Variants in INF2 observed in about 807,000 individuals in gnomAD.
INF2 encodes the protein inverted formin-2.
In INF2, 43 loss-of-function variants were observed where a neutral mutation model predicts 123.5. That is an observed-to-expected ratio of 0.35 (90% CI 0.27 to 0.45). The LOEUF (loss-of-function observed/expected upper bound fraction) is 0.45, where lower values mean the gene tolerates loss of function less well. INF2 is among the 20% of genes least tolerant of loss of function. The pLI is 1.00. For synonymous variants in INF2, 851 were observed against 745.0 expected (o/e 1.14, Z -2.32); for missense variants, 1,453 against 1,682.7 (o/e 0.86, Z 2.39).
chr14:104,704,376 G>A (rs183823616), intron 5 of INF2: 21 of 264,140 alleles, frequency 8.0e-5, no homozygotes, highest in Admixed American at 2.0e-4. Flanking sequence ...TACAGTGTTC[G>A]TCGCTACTTG....
At chr14:104,693,387 C>T (rs1027901403) in intron 1 of INF2, among the ~76,000 whole-genome samples, 1 of 152,216 alleles carries the variant, frequency 6.6e-6, no homozygotes, top group Non-Finnish European at 1.5e-5. Context: ...GGCCAGAACT[C>T]AACCAGGAGC....
At position 104,699,818 on chromosome 14, in the gene INF2, TG is replaced by T. The variant is rs1375103891; in HGVS notation, c.-9-1536del. On this transcript the variant is annotated intron_variant, in intron 1 of 22. Coordinates refer to ENST00000392634, the MANE Select transcript of INF2 (RefSeq NM_022489.4). The surrounding 1 kb of genome is among the most constrained non-coding windows in gnomAD (Gnocchi z 4.7). ...CTGAGGCCCAGGCAGGATGAGTGAC[TG>T]GGCCAAGGTCTGCTGGTGAGGGCCC... Among the ~76,000 whole-genome samples, 4 of 152,078 alleles carry T rather than the reference TG, an allele frequency of 2.6e-5. No individual in the cohort carries two copies. Among genetic ancestry groups the T allele is most frequent in the Non-Finnish European group, 5.9e-5 (4 of 67,988 alleles).
rs755777315 is a variant in INF2 at position 104,703,967 on chromosome 14, C to T, written c.701+18C>T. The T allele has an allele frequency of 2.0e-5, 32 of 1,608,588 alleles. No individual in the cohort carries two copies. Among genetic ancestry groups the T allele is most frequent in the East Asian group, 6.7e-5 (3 of 44,858 alleles). ...CGCCTGCGGTGAGTCCCCACTGTAG[C>T]GGTCCTGCCGGCTCCCCCTCCTGCT... On this transcript the variant is annotated intron_variant, in intron 5 of 22. Coordinates refer to ENST00000392634, the MANE Select transcript of INF2 (RefSeq NM_022489.4).
chr14:104,711,125 T>C lies in INF2; in HGVS notation c.2357T>C (p.Leu786Pro). ...GACGGCTTCAAGATCAGCACATTGC[T>C]GAAGCTCACGGAGACCAAGTCCCAG... ...DADGFKISTL[L>P]KLTETKSQQN... The change falls in exon 15 of 23, where the codon CTG (leucine) becomes CCG (proline). Residue 786 changes from leucine (L) to proline (P), a missense_variant. Coordinates refer to ENST00000392634, the MANE Select transcript of INF2 (RefSeq NM_022489.4). 6.3e-7 allele frequency: 1 copy of C among 1,582,214 alleles called. No individual in the cohort carries two copies. Among genetic ancestry groups the C allele is most frequent in the East Asian group, 2.4e-5 (1 of 42,194 alleles).
At chr14:104,713,062 G>T in intron 18 of INF2, 70 bp downstream of exon 18, 1 of 1,608,150 alleles carries the variant, frequency 6.2e-7, no homozygotes, top group Non-Finnish European at 8.5e-7. Flanking sequence ...CCTTCCTCCG[G>T]CAGGATGGGC....
chr14:104,696,399 G>A lies in INF2; in HGVS notation c.-9-4958G>A, dbSNP rs575315661. On this transcript the variant is annotated intron_variant, in intron 1 of 22. Coordinates refer to ENST00000392634, the MANE Select transcript of INF2 (RefSeq NM_022489.4). The stretch of plus-strand genomic sequence containing the variant: ...CAGTGCGCCCCATGCCCCTGGACAC[G>A]TGGCAGTGGGTGGACCCCCATCCTC... 2.6e-5 allele frequency among the ~76,000 whole-genome samples: 4 copies of A among 152,348 alleles called. No individual in the cohort carries two copies. The South Asian group carries it at 6.2e-4, about 24-fold the overall frequency.
chr14:104,702,224 C>T (rs934940445), intron 2 of INF2, among the ~76,000 whole-genome samples: 1 of 152,176 alleles, frequency 6.6e-6, no homozygotes, highest in Non-Finnish European at 1.5e-5. Flanking sequence ...GATGGTGTCA[C>T]CCTCCACCTC....
At chr14:104,712,643 G>A in intron 17 of INF2, 90 bp downstream of exon 17, 1 of 1,585,862 alleles carries the variant, frequency 6.3e-7, no homozygotes. Flanking sequence ...CTGGCTCCAG[G>A]GTGGATCCTG....
upstream of INF2, chr14:104,689,594 GCCCGC>G: frequency 4.0e-6 from 1 of 251,138 alleles, no homozygotes; most frequent in South Asian, 1.7e-4. Flanking sequence ...TCTTCCTCCC[GCCCGC>G]CCCGCCCGCC....
rs201077878 is a variant in INF2 at position 104,707,411 on chromosome 14, A to G, written c.1144A>G (p.Ser382Gly). The change falls in exon 8 of 23, where the codon AGC (serine) becomes GGC (glycine). Residue 382 changes from serine to glycine, a missense_variant. By Grantham distance (56) the Ser-to-Gly change is moderately conservative (BLOSUM62 0). Transcript: ENST00000392634. ...SPQNTTTPKP[S>G]VEGQQPAAAA... is the part of the protein sequence containing the mutation. ...GCAAAACACTACAACCCCCAAGCCC[A>G]GCGTGGAGGGCCAGCAGCCAGCAGC... 4.2e-4 allele frequency: 657 copies of G among 1,582,758 alleles called. 1 individual carries two copies. The highest frequency in any genetic ancestry group is 1.5e-3 in the Middle Eastern group (9 of 6,032).
chr14:104,708,288 G>T (rs758790730), intron 8 of INF2, 148 bp from the exon 9 acceptor site: 1 of 1,037,288 alleles, frequency 9.6e-7, no homozygotes, highest in Non-Finnish European at 1.4e-6. Flanking sequence ...AGGTAGGGAG[G>T]TAGGGTGCCT....
rs1405310809 is a variant in INF2, at chr14:104,722,061, AGATG to A, written c.*3274_*3277del. 1 of 152,400 alleles carries A rather than the reference AGATG, an allele frequency of 6.6e-6. No homozygotes were observed. The highest frequency in any genetic ancestry group is 1.5e-5 in the Non-Finnish European group (1 of 68,160). The allele number at this position is 152,400 out of a possible 1,614,324, so 9.4% of individuals were successfully genotyped here. A position where few individuals can be genotyped will look rare whatever the true frequency, so the allele number is the denominator to read the frequency against. ...GTCACACATCGAGACAGCAGGGCCCAGATGGATGGCCCCAAGCTCGGTGGCTCCC... is the reference window on the plus strand; with the variant it reads ...GTCACACATCGAGACAGCAGGGCCCAGATGGCCCCAAGCTCGGTGGCTCCC... On this transcript the variant is annotated 3_prime_UTR_variant, in exon 23 of 23. Coordinates refer to ENST00000392634, the MANE Select transcript of INF2 (RefSeq NM_022489.4).
rs1890152343 is a variant in INF2, at chr14:104,713,497, G to A, written c.2931G>A (p.Leu977=). 1 of 1,611,832 alleles carries A rather than the reference G, an allele frequency of 6.2e-7. No homozygotes were observed. The highest frequency in any genetic ancestry group is 1.3e-5 in the African/African-American group (1 of 75,038). Residue 977 remains leucine (L), a synonymous_variant, in exon 20 of 23, where the codon CTG becomes CTA. Transcript: ENST00000392634. ...QEEVCVIDAL[L]ADIRKGFQLR... ...AGGTGTGTGTCATCGATGCCCTGCT[G>A]GCTGACATCAGGAAGGGCTTCCAGC... is the stretch of plus-strand genomic sequence containing the variant.
rs1890508401 is a variant in INF2, at chr14:104,720,419, ATGCTGCTGTGGACGTCTGCGTAG to A, written c.*1628_*1650del. The A allele has an allele frequency of 8.9e-6, 1 of 111,982 alleles. No homozygotes were observed. The highest frequency in any genetic ancestry group is 2.7e-4 in the East Asian group (1 of 3,700). The allele number at this position is 111,982 out of a possible 1,614,324, so 6.9% of individuals were successfully genotyped here. A position where few individuals can be genotyped will look rare whatever the true frequency, so the allele number is the denominator to read the frequency against. Reference sequence around the variant, plus strand: ...GGACGTCTGCGTCGTCCTCGTGTGGATGCTGCTGTGGACGTCTGCGTAGTCTCGTGTGGATGCTGCTGTGGACG... The same window carrying A: ...GGACGTCTGCGTCGTCCTCGTGTGGATCTCGTGTGGATGCTGCTGTGGACG... On this transcript the variant is annotated 3_prime_UTR_variant, in exon 23 of 23. Coordinates refer to ENST00000392634, the MANE Select transcript of INF2 (RefSeq NM_022489.4).
chr14:104,718,715 C>A, intron 22 of INF2, 80 bp from the exon 23 acceptor site: 1 of 1,577,776 alleles, frequency 6.3e-7, no homozygotes, highest in Non-Finnish European at 8.6e-7. Flanking sequence ...GTTCAGGGAC[C>A]TGGGCACCCA....
chr14:104,700,704 A>T (rs1889437686), intron 1 of INF2: 2 of 314,532 alleles, frequency 6.4e-6, no homozygotes, highest in Non-Finnish European at 9.2e-6. Context: ...TTGCGACTGA[A>T]TCCTGGTAAA....
intron 22 of INF2, chr14:104,715,672 C>T (rs1890266573): frequency 1.8e-6 from 1 of 558,362 alleles, no homozygotes; most frequent in Non-Finnish European, 3.3e-6. Context: ...GTGGGCGGGA[C>T]CTCCTGGCTG....
chr14:104,709,857 C>G (rs1267380047), intron 12 of INF2, among the ~76,000 whole-genome samples, 152 bp downstream of exon 12: 1 of 152,210 alleles, frequency 6.6e-6, no homozygotes, highest in African/African-American at 2.4e-5. Context: ...GGCTTCTAAA[C>G]ATCACTCGAG....
At chr14:104,704,078 A>C (rs1053016902) in intron 5 of INF2, 129 bp downstream of exon 5, 1 of 1,535,054 alleles carries the variant, frequency 6.5e-7, no homozygotes, top group African/African-American at 1.4e-5. Context: ...GCTCCCTCGG[A>C]GTAACCCCAG....
Sources: allele counts gnomAD v4.1 joint callset (sites outside exome capture counted in the v4.1 genomes callset), GRCh38; gene constraint gnomAD v4.1.1; non-coding constraint Gnocchi (gnomAD v3.1); transcripts MANE v1.5; gene names NCBI Gene and HGNC (gene_info 2026-07-23, HGNC 2026-07-21).